The following KIAA2013 variants were observed in gnomAD, a reference collection of about 807,000 sequenced individuals.
The protein encoded by KIAA2013 is uncharacterized protein KIAA2013.
In KIAA2013, 20 loss-of-function variants were observed where a neutral mutation model predicts 39.9. The ratio of observed to expected loss-of-function variants is 0.50; its 90% CI spans 0.35 to 0.73. The LOEUF (loss-of-function observed/expected upper bound fraction) is 0.73, where lower values mean the gene tolerates loss of function less well. Among genes scored for constraint, KIAA2013 ranks in the 30% least tolerant of loss-of-function variants. The pLI is 0.01. For synonymous variants in KIAA2013, 336 were observed against 416.6 expected (o/e 0.81, Z 2.35); for missense variants, 587 against 856.1 (o/e 0.69, Z 3.92).
At position 11,922,866 on chromosome 1, in the gene KIAA2013, GC is replaced by G. The variant is rs1645482880; in HGVS notation, c.1656del (p.Pro553HisfsTer49). 1 of 1,612,418 alleles carries G rather than the reference GC, an allele frequency of 6.2e-7. No homozygotes were observed. The highest frequency in any genetic ancestry group is 8.5e-7 in the Non-Finnish European group (1 of 1,179,082). ...TFSVMVTQPITPLLYISTDLT... is the reference protein window; with the variant it reads ...TFSVMVTQPIXPLLYISTDLT... ...AGGTCGGTGGAGATGTAGAGCAGTG[GC>G]GTGATGGGCTGTGTCACCATGACCG... On this transcript the variant is annotated frameshift_variant, in exon 2 of 3. Coordinates refer to ENST00000376572, the MANE Select transcript of KIAA2013 (RefSeq NM_138346.3). LOFTEE classifies it high-confidence loss of function.
chr1:11,920,453 A>G, intron 2 of KIAA2013, 121 bp from the exon 3 acceptor site: 1 of 1,011,908 alleles, frequency 9.9e-7, no homozygotes. Context: ...CCAGCCTTGC[A>G]GAATTACCAC....
chr1:11,924,282 A>G (rs1645492453), intron 1 of KIAA2013, among the ~76,000 whole-genome samples: 1 of 144,388 alleles, frequency 6.9e-6, no homozygotes, highest in East Asian at 2.3e-4. Context: ...AGTAGAGACA[A>G]GGTTTCGCCA....
intron 2 of KIAA2013, among the ~76,000 whole-genome samples, 185 bp from the exon 3 acceptor site, chr1:11,920,517 G>C (rs1386465171): frequency 6.6e-6 from 1 of 152,174 alleles, no homozygotes. Context: ...CTCCACTCTG[G>C]CATGGCCCAG....
Position 11,925,698 on chromosome 1 carries a change from C to T in KIAA2013, c.540G>A (p.Gly180=), listed in dbSNP as rs1645502098. Residue 180 remains glycine (G), a synonymous_variant, in exon 1 of 3, where the codon GGG becomes GGA. Coordinates refer to ENST00000376572, the MANE Select transcript of KIAA2013 (RefSeq NM_138346.3). The surrounding 1 kb of genome is among the most constrained non-coding windows in gnomAD (Gnocchi z 5.2). ...GCAGCAGCACGCAGTCGCGGCCGGACCCCGCGGCAAGGCCAGAGACGGAGG... is the reference window on the plus strand; with the variant it reads ...GCAGCAGCACGCAGTCGCGGCCGGATCCCGCGGCAAGGCCAGAGACGGAGG... ...GPASVSGLAA[G]SGRDCVLLQE... is the part of the protein sequence containing the mutation. The T allele has an allele frequency of 6.3e-7, 1 of 1,590,506 alleles. No homozygotes were observed. The highest frequency in any genetic ancestry group is 2.3e-5 in the East Asian group (1 of 44,214).
chr1:11,922,777 G>A lies in KIAA2013; in HGVS notation c.1746C>T (p.His582=), dbSNP rs749186021. Residue 582 remains histidine (H), a synonymous_variant, in exon 2 of 3, where the codon CAC becomes CAT. Coordinates refer to ENST00000376572, the MANE Select transcript of KIAA2013 (RefSeq NM_138346.3). ...GCAGCCCGGGGTCCTGCTGGGCCATGTGCTCATCATGGGCCAGGATGGCCT... is the reference window on the plus strand; with the variant it reads ...GCAGCCCGGGGTCCTGCTGGGCCATATGCTCATCATGGGCCAGGATGGCCT... ...HLKAILAHDE[H]MAQQDPGLPF... The A allele has an allele frequency of 2.5e-6, 4 of 1,613,922 alleles. No individual in the cohort carries two copies. Among genetic ancestry groups the A allele is most frequent in the Non-Finnish European group, 3.4e-6 (4 of 1,179,842 alleles).
rs1424484837 is a variant in KIAA2013, at chr1:11,919,894, A to G, written c.*421T>C. 2 of 241,482 alleles carry G rather than the reference A, an allele frequency of 8.3e-6. No homozygotes were observed. Among genetic ancestry groups the G allele is most frequent in the Non-Finnish European group, 1.6e-5 (2 of 122,208 alleles). The allele number at this position is 241,482 out of a possible 1,614,324, so 15.0% of individuals were successfully genotyped here. ...ACTCACCATCTACAGGGGATGCAAA[A>G]GCCATCTAGCAAAATCTCAACAAAA... On this transcript the variant is annotated 3_prime_UTR_variant, in exon 3 of 3. Transcript: ENST00000376572.
In KIAA2013 at chr1:11,926,394, C is replaced by T. The variant is rs1557474142; in HGVS notation, c.-157G>A. 3 of 177,786 alleles carry T rather than the reference C, an allele frequency of 1.7e-5. No individual in the cohort carries two copies. The highest frequency in any genetic ancestry group is 2.4e-5 in the African/African-American group (1 of 41,882). The allele number at this position is 177,786 out of a possible 1,614,324, so 11.0% of individuals were successfully genotyped here. A position where few individuals can be genotyped will look rare whatever the true frequency, so the allele number is the denominator to read the frequency against. ...GCAGCAGCCGCCACCCCTGCTTCCT[C>T]CTTCTTCTCGGTGGCCTCCAGCCGT... On this transcript the variant is annotated 5_prime_UTR_variant, in exon 1 of 3. Coordinates refer to ENST00000376572, the MANE Select transcript of KIAA2013 (RefSeq NM_138346.3).
At position 11,925,747 on chromosome 1, in the gene KIAA2013, G is replaced by A. The variant is rs1378149475; in HGVS notation, c.491C>T (p.Pro164Leu). The change falls in exon 1 of 3, where the codon CCC becomes CTC. Residue 164 changes from proline (P) to leucine (L), a missense_variant. Transcript: ENST00000376572. The surrounding 1 kb of genome is among the most constrained non-coding windows in gnomAD (Gnocchi z 5.2). Reference sequence around the variant, plus strand: ...GGCGGGCCCGGGGCCGGCGGCCACGGGGCCAGGACCTGGGGACCCCAGCTG... The same window carrying A: ...GGCGGGCCCGGGGCCGGCGGCCACGAGGCCAGGACCTGGGGACCCCAGCTG... ...CLQLGSPGPG[P>L]VAAGPGPASV... 2.6e-6 allele frequency: 4 copies of A among 1,543,156 alleles called. No individual in the cohort carries two copies. Among genetic ancestry groups the A allele is most frequent in the Non-Finnish European group, 3.5e-6 (4 of 1,153,228 alleles).
chr1:11,922,546 C>T, intron 2 of KIAA2013, 90 bp downstream of exon 2: 11 of 1,562,372 alleles, frequency 7.0e-6, no homozygotes, highest in Non-Finnish European at 9.5e-6. Context: ...GCCCAGGCCT[C>T]ACCCCCCCTC....
chr1:11,922,771 G>T lies in KIAA2013; in HGVS notation c.1752C>A (p.Ala584=). Reference sequence around the variant, plus strand: ...GGAAGGGCAGCCCGGGGTCCTGCTGGGCCATGTGCTCATCATGGGCCAGGA... The same window carrying T: ...GGAAGGGCAGCCCGGGGTCCTGCTGTGCCATGTGCTCATCATGGGCCAGGA... ...KAILAHDEHM[A]QQDPGLPFLF... The change falls in exon 2 of 3, where the codon GCC becomes GCA. Residue 584 remains alanine (A), a synonymous_variant. Transcript: ENST00000376572. 6.2e-7 allele frequency: 1 copy of T among 1,613,990 alleles called. No homozygotes were observed. Among genetic ancestry groups the T allele is most frequent in the Non-Finnish European group, 8.5e-7 (1 of 1,179,880 alleles).
At chr1:11,922,593 C>T (rs562786440) in intron 2 of KIAA2013, 43 bp downstream of exon 2, 3 of 1,603,910 alleles carry the variant, frequency 1.9e-6, no homozygotes, top group Non-Finnish European at 2.6e-6. Context: ...GGGCTGAGAG[C>T]AAGGCCAAGG....
At position 11,923,282 on chromosome 1, in the gene KIAA2013, G is replaced by A. The variant is rs749471034; in HGVS notation, c.1241C>T (p.Pro414Leu). Residue 414 changes from proline (P) to leucine (L), a missense_variant, in exon 2 of 3, where the codon CCG (proline) becomes CTG (leucine). Pro to Leu is a moderately conservative substitution (Grantham distance 98). Coordinates refer to ENST00000376572, the MANE Select transcript of KIAA2013 (RefSeq NM_138346.3). This position sits in a 1 kb window ranked among gnomAD's most constrained non-coding sequence, Gnocchi z 4.6. ...HATMHAENLW[P>L]GRLSSVQQIL... ...CTGCTGGACGGAGGACAGCCGCCCCGGCCACAGGTTCTCGGCGTGCATGGT... is the reference window on the plus strand; with the variant it reads ...CTGCTGGACGGAGGACAGCCGCCCCAGCCACAGGTTCTCGGCGTGCATGGT... 12 of 1,613,348 alleles carry A rather than the reference G, an allele frequency of 7.4e-6. No individual in the cohort carries two copies. Among genetic ancestry groups the A allele is most frequent in the South Asian group, 5.5e-5 (5 of 91,032 alleles).
intron 1 of KIAA2013, among the ~76,000 whole-genome samples, chr1:11,924,926 T>C (rs1645497000): frequency 6.6e-6 from 1 of 152,198 alleles, no homozygotes; most frequent in Admixed American, 6.6e-5. Context: ...AGGCCCCATC[T>C]ACCAAAACAA....
Position 11,925,089 on chromosome 1 carries a change from A to G in KIAA2013, c.1033+116T>C, listed in dbSNP as rs1645497684. The G allele has an allele frequency of 3.2e-6, 3 of 928,118 alleles. No homozygotes were observed. Among genetic ancestry groups the G allele is most frequent in the East Asian group, 5.3e-5 (2 of 37,954 alleles). 57.5% of individuals were successfully genotyped at this position (928,118 alleles called of 1,614,324 possible). A position where few individuals can be genotyped will look rare whatever the true frequency, so the allele number is the denominator to read the frequency against. On this transcript the variant is annotated intron_variant, in intron 1 of 2. Coordinates refer to ENST00000376572, the MANE Select transcript of KIAA2013 (RefSeq NM_138346.3). The surrounding 1 kb of genome is among the most constrained non-coding windows in gnomAD (Gnocchi z 5.2). ...GACACTAAGCAGTTGAGCAGATTCA[A>G]CCACTGGTGAAACGCCAAGCCCAAG...
rs1645505274 is a variant in KIAA2013 at position 11,926,024 on chromosome 1, C to G, written c.214G>C (p.Ala72Pro). Residue 72 changes from alanine to proline, a missense_variant, in exon 1 of 3, where the codon GCC (alanine) becomes CCC (proline). Ala to Pro is a conservative substitution (Grantham distance 27). Coordinates refer to ENST00000376572, the MANE Select transcript of KIAA2013 (RefSeq NM_138346.3). Reference protein sequence around the residue: ...PSACLEAATRAWRGLRERGEV... With the variant: ...PSACLEAATRPWRGLRERGEV... ...CCGCGCTCCCGCAGGCCGCGCCAGG[C>G]GCGGGTGGCCGCCTCCAGGCAGGCA... 6.7e-7 allele frequency: 1 copy of G among 1,499,276 alleles called. No individual in the cohort carries two copies. 92.9% of individuals were successfully genotyped at this position (1,499,276 alleles called of 1,614,324 possible).
rs1645484768 is a variant in KIAA2013 at position 11,923,092 on chromosome 1, C to G, written c.1431G>C (p.Leu477=). The part of the protein sequence containing the change: ...HLQFQADPDV[L]HNSYALHGIR... Reference sequence around the variant, plus strand: ...TGCCATGCAATGCATAGCTGTTGTGCAGCACGTCGGGGTCGGCCTGGAACT... The same window carrying G: ...TGCCATGCAATGCATAGCTGTTGTGGAGCACGTCGGGGTCGGCCTGGAACT... The change falls in exon 2 of 3, where the codon CTG becomes CTC. Residue 477 remains leucine (L), a synonymous_variant. Transcript: ENST00000376572. The surrounding 1 kb of genome is among the most constrained non-coding windows in gnomAD (Gnocchi z 4.6). 6 of 1,610,762 alleles carry G rather than the reference C, an allele frequency of 3.7e-6. No homozygotes were observed. Among genetic ancestry groups the G allele is most frequent in the Non-Finnish European group, 3.4e-6 (4 of 1,177,382 alleles).
Position 11,926,320 on chromosome 1 carries a change from C to T in KIAA2013, c.-83G>A. 1.5e-6 allele frequency: 1 copy of T among 672,580 alleles called. No individual in the cohort carries two copies. Among genetic ancestry groups the T allele is most frequent in the Non-Finnish European group, 1.8e-6 (1 of 543,812 alleles). 41.7% of individuals were successfully genotyped at this position (672,580 alleles called of 1,614,324 possible). A position where few individuals can be genotyped will look rare whatever the true frequency, so the allele number is the denominator to read the frequency against. On this transcript the variant is annotated 5_prime_UTR_variant, in exon 1 of 3. The change creates a new upstream start codon in the 5' untranslated region. Coordinates refer to ENST00000376572, the MANE Select transcript of KIAA2013 (RefSeq NM_138346.3). Reference sequence around the variant, plus strand: ...CACCGGCCCGGCCGCCCGCGCCTCACTGCCCGGCCCGGACCGCGGCGCCCA... The same window carrying T: ...CACCGGCCCGGCCGCCCGCGCCTCATTGCCCGGCCCGGACCGCGGCGCCCA...
chr1:11,922,184 T>G, intron 2 of KIAA2013: 1 of 223,676 alleles, frequency 4.5e-6, no homozygotes, highest in Non-Finnish European at 8.1e-6. Flanking sequence ...TACTTTTATT[T>G]GCTTTTTTGT....
chr1:11,924,948 A>T (rs754351141), intron 1 of KIAA2013, among the ~76,000 whole-genome samples: 1 of 152,174 alleles, frequency 6.6e-6, no homozygotes, highest in African/African-American at 2.4e-5. Flanking sequence ...TAACAGAAAG[A>T]ATTGACCTTT....
Sources: allele counts gnomAD v4.1 joint callset (sites outside exome capture counted in the v4.1 genomes callset), GRCh38; gene constraint gnomAD v4.1.1; non-coding constraint Gnocchi (gnomAD v3.1); transcripts MANE v1.5; gene names NCBI Gene and HGNC (gene_info 2026-07-23, HGNC 2026-07-21).